Variants in WDR27 observed in about 807,000 individuals in gnomAD.
WDR27 encodes the protein WD repeat domain 27, also known as WD repeat-containing protein 27.
Under a neutral mutation model 114.4 loss-of-function variants are expected in WDR27, and 100 were observed. The ratio of observed to expected loss-of-function variants is 0.87; its 90% CI spans 0.74 to 1.03. The LOEUF (loss-of-function observed/expected upper bound fraction) is 1.03. Among genes scored for constraint, WDR27 ranks in the 50% least tolerant of loss-of-function variants. WDR27 has a pLI of 0.00. For missense variants in WDR27, 1,129 were observed against 1,092.9 expected, an observed-to-expected ratio of 1.03 and a Z score of -0.47; for synonymous variants, 449 against 423.1, an observed-to-expected ratio of 1.06 and a Z score of -0.75.
At position 169,660,556 on chromosome 6, in the gene WDR27, T is replaced by C. The variant is rs904038429; in HGVS notation, c.1129+107A>G. 5 of 885,854 alleles carry C rather than the reference T, an allele frequency of 5.6e-6. No individual in the cohort carries two copies. In the Admixed American group the frequency reaches 5.8e-5, roughly 10 times the overall value. The allele number at this position is 885,854 out of a possible 1,614,324, so 54.9% of individuals were successfully genotyped here. A position where few individuals can be genotyped will look rare whatever the true frequency, so the allele number is the denominator to read the frequency against. ...GCTGAGTTGTGACTGAAGCATCTCATCCTCAGATTCACACGGCAAGGCCTT... is the reference window on the plus strand; with the variant it reads ...GCTGAGTTGTGACTGAAGCATCTCACCCTCAGATTCACACGGCAAGGCCTT... On this transcript the variant is annotated intron_variant, in intron 10 of 25. Transcript: ENST00000448612.
chr6:169,659,567 A>G lies in WDR27; in HGVS notation c.1130-49T>C. On this transcript the variant is annotated intron_variant, in intron 10 of 25. Transcript: ENST00000448612. This position sits in a 1 kb window ranked among gnomAD's most constrained non-coding sequence, Gnocchi z 4.3. ...AGAACATGATGGGGAGGGAGGTAGC[A>G]CATACACACGGAGTCACTGCCCAGA... 6.4e-7 allele frequency: 1 copy of G among 1,555,536 alleles called. No homozygotes were observed. The highest frequency in any genetic ancestry group is 8.7e-7 in the Non-Finnish European group (1 of 1,144,506).
chr6:169,557,273 C>T (rs1159398748), intron 25 of WDR27, among the ~76,000 whole-genome samples: 1 of 152,164 alleles, frequency 6.6e-6, no homozygotes, highest in Admixed American at 6.5e-5. Flanking sequence ...TACACAGAGG[C>T]CAAGCAGAGA....
chr6:169,482,688 A>G (rs552449435), intron 25 of WDR27, among the ~76,000 whole-genome samples: 12 of 152,358 alleles, frequency 7.9e-5, no homozygotes, highest in African/African-American at 2.6e-4. Flanking sequence ...AACGGACCTG[A>G]TAAGATATCT....
intron 22 of WDR27, among the ~76,000 whole-genome samples, chr6:169,604,690 A>G (rs1808743468): frequency 6.6e-6 from 1 of 152,180 alleles, no homozygotes; most frequent in African/African-American, 2.4e-5. Flanking sequence ...CATAAAAACA[A>G]TTTTCAACAA....
In WDR27 at chr6:169,659,465, TGC is replaced by T. The variant is rs772540190; in HGVS notation, c.1181_1182del (p.Arg394HisfsTer69). The T allele has an allele frequency of 2.5e-6, 4 of 1,609,476 alleles. No homozygotes were observed. The Admixed American group carries it at 5.1e-5, about 20-fold the overall frequency. ...LLAGSCALRN[R>X]TADQKVLCLL... ...TCAGGACTGACCTTTTGATCCGCAG[TGC>T]GGTTCCTCAGGGCACACGATCCGGC... On this transcript the variant is annotated frameshift_variant, in exon 11 of 26. Transcript: ENST00000448612. LOFTEE classifies it high-confidence loss of function. The surrounding 1 kb of genome is among the most constrained non-coding windows in gnomAD (Gnocchi z 4.3).
rs780622063 is a variant in WDR27, at chr6:169,668,188, A to G, written c.457-3T>C. 3 of 1,613,940 alleles carry G rather than the reference A, an allele frequency of 1.9e-6. No individual in the cohort carries two copies. The highest frequency in any genetic ancestry group is 2.5e-6 in the Non-Finnish European group (3 of 1,179,856). Reference sequence around the variant, plus strand: ...ATGTATGTCACAGAAAATCGCTGCTATTAAAATAAAGCCCAAATTATTCCT... The same window carrying G: ...ATGTATGTCACAGAAAATCGCTGCTGTTAAAATAAAGCCCAAATTATTCCT... On this transcript the variant is annotated splice_region_variant and splice_polypyrimidine_tract_variant and intron_variant, in intron 4 of 25. Transcript: ENST00000448612.
chr6:169,514,584 C>T (rs1793381509), intron 25 of WDR27, among the ~76,000 whole-genome samples: 2 of 146,744 alleles, frequency 1.4e-5, no homozygotes, highest in South Asian at 4.3e-4. Flanking sequence ...AAATATATGT[C>T]TAGGTCAATA....
chr6:169,612,615 G>A lies in WDR27; in HGVS notation c.2321+944C>T, dbSNP rs552058764. Among the ~76,000 whole-genome samples, 389 of 120,760 alleles carry A rather than the reference G, an allele frequency of 3.2e-3. 2 individuals are homozygous for A. The highest frequency in any genetic ancestry group is 0.011 in the African/African-American group (328 of 30,894). 79.2% of individuals were successfully genotyped at this position (120,760 alleles called of 152,430 possible). On this transcript the variant is annotated intron_variant, in intron 22 of 25. Coordinates refer to ENST00000448612, the MANE Select transcript of WDR27 (RefSeq NM_182552.5). Reference sequence around the variant, plus strand: ...TGCACTCCAGCCTGGGTGACAGAGCGAGACTCTGTCTAACATAAAAAAAAA... The same window carrying A: ...TGCACTCCAGCCTGGGTGACAGAGCAAGACTCTGTCTAACATAAAAAAAAA...
chr6:169,429,102 C>T, the WDR27 span, among the ~76,000 whole-genome samples: 1 of 152,142 alleles, frequency 6.6e-6, no homozygotes, highest in Non-Finnish European at 1.5e-5. Flanking sequence ...CAGAGGGGAG[C>T]GTCCTTCACC....
In WDR27 at chr6:169,689,009, C is replaced by A. The variant is rs1456839834; in HGVS notation, c.-4G>T. On this transcript the variant is annotated 5_prime_UTR_variant, in exon 2 of 26. The change abolishes the stop of an existing upstream ORF in the 5' untranslated region. Coordinates refer to ENST00000448612, the MANE Select transcript of WDR27 (RefSeq NM_182552.5). ...AAATGTCTTGGGGATTTTCCATCTTCAATCTGAAAACAAAAAGTACATATA... is the reference window on the plus strand; with the variant it reads ...AAATGTCTTGGGGATTTTCCATCTTAAATCTGAAAACAAAAAGTACATATA... 6.2e-7 allele frequency: 1 copy of A among 1,606,862 alleles called. No homozygotes were observed. Among genetic ancestry groups the A allele is most frequent in the Admixed American group, 1.7e-5 (1 of 58,806 alleles).
At chr6:169,500,369 C>T (rs75490272) in intron 25 of WDR27, among the ~76,000 whole-genome samples, 3,133 of 152,200 alleles carry the variant, frequency 0.021, 69 homozygotes, top group East Asian at 0.081. Flanking sequence ...TTATCCATTA[C>T]TGTCTCACAA....
intron 25 of WDR27, among the ~76,000 whole-genome samples, chr6:169,477,395 T>G (rs983250822): frequency 6.6e-6 from 1 of 152,234 alleles, no homozygotes; most frequent in African/African-American, 2.4e-5. Context: ...AAGGTATAAT[T>G]GCACAGCTGC....
At chr6:169,458,006 A>AGGAGGAGGAGGAGGAGGAGGAGGT (rs869143503) in intron 25 of WDR27, among the ~76,000 whole-genome samples, 8 of 139,856 alleles carry the variant, frequency 5.7e-5, no homozygotes, top group African/African-American at 1.6e-4. Flanking sequence ...GAGGAGGAGG[A>AGGAGGAGGAGGAGGAGGAGGAGGT]GGTGGTGGTG....
At chr6:169,507,931 C>T (rs893661223) in intron 25 of WDR27, among the ~76,000 whole-genome samples, 2 of 152,188 alleles carry the variant, frequency 1.3e-5, no homozygotes, top group Non-Finnish European at 2.9e-5. Context: ...AACTGACCTT[C>T]CAACTGCTGC....
intron 25 of WDR27, among the ~76,000 whole-genome samples, chr6:169,482,019 T>C (rs772191005): frequency 6.6e-6 from 1 of 152,230 alleles, no homozygotes; most frequent in African/African-American, 2.4e-5. Context: ...GTTCTCATCA[T>C]TTAGCTCCCA....
intron 25 of WDR27, among the ~76,000 whole-genome samples, chr6:169,479,341 C>T (rs1262475305): frequency 1.3e-5 from 2 of 151,960 alleles, no homozygotes; most frequent in Non-Finnish European, 2.9e-5. Context: ...AATGAGATAC[C>T]ATCTCATACC....
At chr6:169,647,923 G>C in intron 15 of WDR27, 53 bp from the exon 16 acceptor site, 3 of 1,332,424 alleles carry the variant, frequency 2.3e-6, no homozygotes, top group Non-Finnish European at 3.1e-6. Context: ...AGTGAGATTA[G>C]AAGTAAAACA....
At chr6:169,470,395 G>A (rs894800364) in intron 25 of WDR27, among the ~76,000 whole-genome samples, 7 of 151,362 alleles carry the variant, frequency 4.6e-5, no homozygotes, top group Admixed American at 6.6e-5. Context: ...TTCCACATTC[G>A]TAAGTATTTG....
intron 25 of WDR27, among the ~76,000 whole-genome samples, chr6:169,535,885 T>A (rs1391107089): frequency 6.6e-6 from 1 of 152,164 alleles, no homozygotes; most frequent in Non-Finnish European, 1.5e-5. Flanking sequence ...CACTTCAGAG[T>A]AATGTTTCCA....
Sources: gnomAD v4.1 joint callset for allele counts (sites outside exome capture counted in the v4.1 genomes callset) on GRCh38, gnomAD v4.1.1 for gene constraint, Gnocchi (gnomAD v3.1) non-coding constraint, MANE v1.5 for transcripts, NCBI Gene and HGNC (gene_info 2026-07-23, HGNC 2026-07-21) for gene names.